Variants in LRP1B observed in about 807,000 individuals in gnomAD.
LRP1B encodes the protein low-density lipoprotein receptor-related protein 1B.
Under a neutral mutation model 556.6 loss-of-function variants are expected in LRP1B, and 217 were observed. The observed-to-expected ratio is 0.39, with a 90% confidence interval of 0.35 to 0.44. The LOEUF is 0.44. Ranked by LOEUF, LRP1B falls within the 20% of genes least tolerant of loss-of-function variation. The probability of loss-of-function intolerance (pLI) is 1.00; values close to 1 mark genes in which losing one functional copy is unlikely to be tolerated. For missense variants in LRP1B, 5,053 were observed against 5,620.8 expected (o/e 0.90, Z 3.23); for synonymous variants, 2,047 against 1,865.8 (o/e 1.10, Z -2.50).
chr2:141,439,195 G>T (rs1396129754), intron 3 of LRP1B, among the ~76,000 whole-genome samples: 1 of 151,978 alleles, frequency 6.6e-6, no homozygotes, highest in Non-Finnish European at 1.5e-5. Context: ...CTATATTATG[G>T]GCTGTGAAAT....
At chr2:141,300,805 C>T (rs1305497643) in intron 3 of LRP1B, among the ~76,000 whole-genome samples, 5 of 152,210 alleles carry the variant, frequency 3.3e-5, no homozygotes, top group South Asian at 4.1e-4. Context: ...CCTGCAGAAT[C>T]GTGAGCCAAT....
intron 3 of LRP1B, among the ~76,000 whole-genome samples, chr2:141,460,861 C>T (rs1391500753): frequency 6.6e-6 from 1 of 151,828 alleles, no homozygotes; most frequent in African/African-American, 2.4e-5. Flanking sequence ...AAAGAGCTGC[C>T]CCCAACTGAG....
intron 90 of LRP1B, 144 bp downstream of exon 90, chr2:140,234,642 A>T (rs1680615667): frequency 1.7e-6 from 1 of 580,978 alleles, no homozygotes; most frequent in South Asian, 2.2e-5. Flanking sequence ...CACATAACAT[A>T]AGCCCCCAAT....
chr2:141,707,564 C>T (rs1692190285), intron 2 of LRP1B, among the ~76,000 whole-genome samples: 1 of 152,136 alleles, frequency 6.6e-6, no homozygotes, highest in Non-Finnish European at 1.5e-5. Flanking sequence ...GCAATTACTG[C>T]ACACACAGGG....
chr2:141,917,490 T>C (rs542042243), intron 1 of LRP1B, among the ~76,000 whole-genome samples: 14 of 152,308 alleles, frequency 9.2e-5, no homozygotes, highest in Admixed American at 8.5e-4. Flanking sequence ...TCACTCAAAG[T>C]GCAAAAGTAA....
chr2:140,708,074 T>G (rs774980765), intron 37 of LRP1B, among the ~76,000 whole-genome samples: 5 of 152,068 alleles, frequency 3.3e-5, no homozygotes, highest in Non-Finnish European at 4.4e-5. Context: ...TTAGGTACCC[T>G]CATAAAGTCC....
intron 1 of LRP1B, among the ~76,000 whole-genome samples, chr2:141,925,867 T>C (rs898532469): frequency 1.3e-5 from 2 of 152,168 alleles, no homozygotes; most frequent in African/African-American, 4.8e-5. Flanking sequence ...CTGTATTTCT[T>C]TGTAGGATGG....
At chr2:142,075,531 C>A (rs1331682884) in intron 1 of LRP1B, among the ~76,000 whole-genome samples, 1 of 152,060 alleles carries the variant, frequency 6.6e-6, no homozygotes, top group Non-Finnish European at 1.5e-5. Flanking sequence ...CCACACCACT[C>A]TTTTAAAGAA....
At chr2:141,692,870 T>C (rs1418079976) in intron 2 of LRP1B, among the ~76,000 whole-genome samples, 1 of 152,000 alleles carries the variant, frequency 6.6e-6, no homozygotes. Flanking sequence ...AAAAATACAG[T>C]AAAAATATGA....
intron 1 of LRP1B, among the ~76,000 whole-genome samples, chr2:142,029,957 C>T (rs1703629704): frequency 1.3e-5 from 2 of 151,586 alleles, no homozygotes; most frequent in South Asian, 4.2e-4. Flanking sequence ...TTGCTGAACA[C>T]TGACCTTAAC....
intron 37 of LRP1B, among the ~76,000 whole-genome samples, chr2:140,703,692 CA>C (rs1484101833): frequency 6.6e-6 from 1 of 152,110 alleles, no homozygotes; most frequent in Non-Finnish European, 1.5e-5. Flanking sequence ...AAGTAGTCCA[CA>C]GTGTCTCTTG....
chr2:140,850,147 G>T lies in LRP1B; in HGVS notation c.4894C>A (p.Arg1632=), dbSNP rs1692413234. ...WTDIKTQTIK[R]AFINGTGLET... ...AACCCAGTTCCGTTAATAAAAGCTC[G>T]TTTAATGGTTTGTGTTTTAATATCT... The change falls in exon 29 of 91, where the codon CGA becomes AGA. Residue 1632 remains arginine (R), a synonymous_variant. Transcript: ENST00000389484. 6.2e-7 allele frequency: 1 copy of T among 1,613,522 alleles called. No individual in the cohort carries two copies.
rs187291334 is a variant in LRP1B at position 140,404,562 on chromosome 2, A to T, written c.10415-18553T>A. Among the ~76,000 whole-genome samples the T allele has an allele frequency of 2.0e-5, 3 of 152,296 alleles. No homozygotes were observed. The East Asian group carries it at 5.8e-4, about 30-fold the overall frequency. On this transcript the variant is annotated intron_variant, in intron 66 of 90. Coordinates refer to ENST00000389484, the MANE Select transcript of LRP1B (RefSeq NM_018557.3). ...AGGTAATGACTGACATGATGAATAG[A>T]TCAATACCTCACATATCAATATTAA...
At chr2:141,387,118 C>A (rs1689859568) in intron 3 of LRP1B, among the ~76,000 whole-genome samples, 2 of 151,790 alleles carry the variant, frequency 1.3e-5, no homozygotes, top group South Asian at 4.2e-4. Flanking sequence ...ATGAAGAAAT[C>A]ACAAGGGAAA....
At chr2:141,121,968 C>A (rs1383296315) in intron 7 of LRP1B, among the ~76,000 whole-genome samples, 1 of 152,120 alleles carries the variant, frequency 6.6e-6, no homozygotes. Flanking sequence ...ACCATCTGAT[C>A]TTTGACAAAC....
intron 3 of LRP1B, among the ~76,000 whole-genome samples, chr2:141,255,495 A>G (rs980328486): frequency 6.6e-6 from 1 of 152,064 alleles, no homozygotes; most frequent in African/African-American, 2.4e-5. Flanking sequence ...AAAAAATAAA[A>G]GCCCAATATG....
At chr2:141,965,705 C>G (rs1441732657) in intron 1 of LRP1B, among the ~76,000 whole-genome samples, 3 of 139,502 alleles carry the variant, frequency 2.2e-5, no homozygotes, top group African/African-American at 8.0e-5. Flanking sequence ...ATGTAACTAA[C>G]CTGCACAATG....
intron 2 of LRP1B, among the ~76,000 whole-genome samples, chr2:141,650,882 C>T (rs571989376): frequency 1.4e-4 from 22 of 152,244 alleles, no homozygotes; most frequent in East Asian, 1.2e-3. Flanking sequence ...GTTTAAGAGA[C>T]TATTTCTTGA....
At chr2:141,494,762 A>G (rs1457686726) in intron 2 of LRP1B, among the ~76,000 whole-genome samples, 1 of 148,504 alleles carries the variant, frequency 6.7e-6, no homozygotes, top group African/African-American at 2.5e-5. Flanking sequence ...TTCACAGCAT[A>G]CTAGATATGG....
Sources: gnomAD v4.1 joint callset for allele counts (sites outside exome capture counted in the v4.1 genomes callset) on GRCh38, gnomAD v4.1.1 for gene constraint, MANE v1.5 for transcripts, NCBI Gene and HGNC (gene_info 2026-07-23, HGNC 2026-07-21) for gene names.